CTDP1: variants seen among roughly 807,000 people sequenced by gnomAD.
CTDP1 encodes the protein RNA polymerase II subunit A C-terminal domain phosphatase.
In CTDP1, 47 loss-of-function variants were observed where a neutral mutation model predicts 91.8. The observed-to-expected ratio is 0.51, with a 90% CI of 0.41 to 0.65. The LOEUF (loss-of-function observed/expected upper bound fraction) is 0.65, where lower values mean the gene tolerates loss of function less well. Among genes scored for constraint, CTDP1 ranks in the 30% least tolerant of loss-of-function variants. The pLI is 0.00. For missense variants in CTDP1, 1,272 were observed against 1,373.7 expected, an observed-to-expected ratio of 0.93 and a Z score of 1.17; for synonymous variants, 656 against 598.5, an observed-to-expected ratio of 1.10 and a Z score of -1.40.
At chr18:79,745,250 G>A (rs1317954941) in intron 12 of CTDP1, among the ~76,000 whole-genome samples, 1 of 136,704 alleles carries the variant, frequency 7.3e-6, no homozygotes, top group South Asian at 2.3e-4. Context: ...CCTCCCATGC[G>A]CGTTCTGTCC....
intron 12 of CTDP1, among the ~76,000 whole-genome samples, chr18:79,747,783 C>T (rs1291468935): frequency 1.3e-5 from 2 of 152,162 alleles, no homozygotes; most frequent in Non-Finnish European, 2.9e-5. Flanking sequence ...CTGGTCTTCC[C>T]TTTTGTTCCC....
chr18:79,704,930 G>A lies in CTDP1; in HGVS notation c.772+13G>A, dbSNP rs754601801. On this transcript the variant is annotated intron_variant, in intron 5 of 12. Coordinates refer to ENST00000613122, the MANE Select transcript of CTDP1 (RefSeq NM_004715.5). ...CACACCATCGCAGGTCAGTCAAGCCGCAGCCGAAGAGGCCGTGTGAACAGT... is the reference window on the plus strand; with the variant it reads ...CACACCATCGCAGGTCAGTCAAGCCACAGCCGAAGAGGCCGTGTGAACAGT... 9.9e-6 allele frequency: 16 copies of A among 1,612,600 alleles called. No individual in the cohort carries two copies. Among genetic ancestry groups the A allele is most frequent in the Admixed American group, 3.3e-5 (2 of 60,010 alleles).
In CTDP1 at chr18:79,728,244, C is replaced by T. The variant is rs1162818467; in HGVS notation, c.2418-663C>T. ...CCTCCTGAGTAGCTGGGATTACAGG[C>T]GTGCACCACCACACCGGGCTAATTT... On this transcript the variant is annotated intron_variant, in intron 10 of 12. Transcript: ENST00000613122. 2.6e-5 allele frequency among the ~76,000 whole-genome samples: 4 copies of T among 152,006 alleles called. 1 individual carries two copies. Among genetic ancestry groups the T allele is most frequent in the African/African-American group, 9.7e-5 (4 of 41,376 alleles).
At chr18:79,712,414 C>T (rs550007014) in intron 6 of CTDP1, among the ~76,000 whole-genome samples, 2 of 152,210 alleles carry the variant, frequency 1.3e-5, no homozygotes, top group African/African-American at 4.8e-5. Flanking sequence ...TCTGAGTAGC[C>T]GGGACTACGG....
intron 10 of CTDP1, among the ~76,000 whole-genome samples, chr18:79,724,471 CTGTT>C (rs2086406271): frequency 1.3e-5 from 2 of 152,172 alleles, no homozygotes; most frequent in Non-Finnish European, 1.5e-5. Flanking sequence ...GTGGCCAGTG[CTGTT>C]TATTGCAGCC....
At chr18:79,727,765 T>C (rs1179831484) in intron 10 of CTDP1, among the ~76,000 whole-genome samples, 1 of 152,176 alleles carries the variant, frequency 6.6e-6, no homozygotes, top group African/African-American at 2.4e-5. Context: ...CGAGTTGGTA[T>C]CTGGGACGCA....
chr18:79,715,520 C>T lies in CTDP1; in HGVS notation c.2060C>T (p.Ala687Val), dbSNP rs893733140. Residue 687 changes from alanine (A) to valine (V), a missense_variant, in exon 8 of 13, where the codon GCG becomes GTG. Transcript: ENST00000613122. Reference sequence around the variant, plus strand: ...GACAGGGCCACGCACCTGATCGCCGCGCGAGCTGGTGAGTGCTGCCTCCCT... The same window carrying T: ...GACAGGGCCACGCACCTGATCGCCGTGCGAGCTGGTGAGTGCTGCCTCCCT... ...APDRATHLIAARAGTEKVLQA... is the reference protein window; with the variant it reads ...APDRATHLIAVRAGTEKVLQA... The T allele has an allele frequency of 1.1e-5, 17 of 1,552,156 alleles. No homozygotes were observed. Among genetic ancestry groups the T allele is most frequent in the South Asian group, 5.9e-5 (5 of 84,736 alleles).
chr18:79,742,917 C>T (rs534873561), intron 12 of CTDP1, among the ~76,000 whole-genome samples: 1 of 152,230 alleles, frequency 6.6e-6, no homozygotes, highest in African/African-American at 2.4e-5. Flanking sequence ...GATCATGCCA[C>T]TGCACTCCCG....
chr18:79,712,586 G>C (rs937164839), intron 6 of CTDP1, among the ~76,000 whole-genome samples: 1 of 152,202 alleles, frequency 6.6e-6, no homozygotes, highest in Non-Finnish European at 1.5e-5. Flanking sequence ...GCCTAGCCTG[G>C]TCTGTTTACA....
chr18:79,712,338 G>A (rs2086101848), intron 6 of CTDP1, among the ~76,000 whole-genome samples: 3 of 152,218 alleles, frequency 2.0e-5, no homozygotes, highest in Admixed American at 1.3e-4. Flanking sequence ...CTTAAGTGCA[G>A]TAGTGTGGTC....
At chr18:79,715,756 C>T (rs548860221) in intron 8 of CTDP1, among the ~76,000 whole-genome samples, 27 of 152,320 alleles carry the variant, frequency 1.8e-4, no homozygotes, top group African/African-American at 4.3e-4. Context: ...GGGAGTTACT[C>T]GTGTGTAGAA....
rs1227021231 is a variant in CTDP1, at chr18:79,679,896, TCTGAGCGCAGCGCAGG to T, written c.-50_-35del. On this transcript the variant is annotated 5_prime_UTR_variant, in exon 1 of 13. Coordinates refer to ENST00000613122, the MANE Select transcript of CTDP1 (RefSeq NM_004715.5). ...TGTGTCGCCGCGGTAGGCGCTGCGC[TCTGAGCGCAGCGCAGG>T]CCCCGTACCGACCGCCCGCCCGCCC... 4.9e-5 allele frequency: 65 copies of T among 1,318,344 alleles called. 1 individual carries two copies. In the South Asian group the frequency reaches 1.0e-3, roughly 21 times the overall value. 81.7% of individuals were successfully genotyped at this position (1,318,344 alleles called of 1,614,324 possible). A position where few individuals can be genotyped will look rare whatever the true frequency, so the allele number is the denominator to read the frequency against.
In CTDP1 at chr18:79,705,031, A is replaced by G. The variant is rs113399282; in HGVS notation, c.772+114A>G. On this transcript the variant is annotated intron_variant, in intron 5 of 12. Coordinates refer to ENST00000613122, the MANE Select transcript of CTDP1 (RefSeq NM_004715.5). The stretch of plus-strand genomic sequence containing the variant: ...AGAAGCTCTCCTGCAACTCAGTTGT[A>G]GTCTTAGGGTTGGCCGTTGTGCAGG... 4,397 of 1,513,252 alleles carry G rather than the reference A, an allele frequency of 2.9e-3. 95 individuals carry two copies. In the African/African-American group the frequency reaches 0.05, roughly 17 times the overall value. 93.7% of individuals were successfully genotyped at this position (1,513,252 alleles called of 1,614,324 possible). A position where few individuals can be genotyped will look rare whatever the true frequency, so the allele number is the denominator to read the frequency against.
At chr18:79,684,657 ATTG>A (rs2085447813) in intron 1 of CTDP1, among the ~76,000 whole-genome samples, 1 of 151,768 alleles carries the variant, frequency 6.6e-6, no homozygotes, top group South Asian at 2.1e-4. Flanking sequence ...CGTTGCCTGC[ATTG>A]TTGTTACCAG....
Position 79,704,847 on chromosome 18 carries a change from G to A in CTDP1, c.702G>A (p.Glu234=). 1 of 1,614,040 alleles carries A rather than the reference G, an allele frequency of 6.2e-7. No individual in the cohort carries two copies. Among genetic ancestry groups the A allele is most frequent in the Admixed American group, 1.7e-5 (1 of 60,032 alleles). ...RLRPHCKDFL[E]KIAKLYELHV... is the part of the protein sequence containing the mutation. ...GTCCACACTGCAAGGACTTCCTGGA[G>A]AAGATCGCCAAGCTGTACGAGCTGC... The change falls in exon 5 of 13, where the codon GAG becomes GAA. Residue 234 remains glutamate, a synonymous_variant. Coordinates refer to ENST00000613122, the MANE Select transcript of CTDP1 (RefSeq NM_004715.5).
intron 4 of CTDP1, among the ~76,000 whole-genome samples, chr18:79,702,158 CT>C (rs2085872865): frequency 6.6e-6 from 1 of 152,132 alleles, no homozygotes; most frequent in African/African-American, 2.4e-5. Flanking sequence ...ACAGAGAAAC[CT>C]TTTGTGAAAG....
chr18:79,713,123 C>T lies in CTDP1; in HGVS notation c.1015C>T (p.Gln339Ter), dbSNP rs759939476. The change falls in exon 7 of 13, where the codon CAG (glutamine) becomes TAG (stop). Residue 339 changes from glutamine to a stop codon, truncating the protein, a stop_gained. Coordinates refer to ENST00000613122, the MANE Select transcript of CTDP1 (RefSeq NM_004715.5). LOFTEE classifies it high-confidence loss of function. This position sits in a 1 kb window ranked among gnomAD's most constrained non-coding sequence, Gnocchi z 4.7. ...MNAPPGSRES[Q>*]TRKKVNHSRG... is the part of the protein sequence containing the mutation. ...TGCGCCCCCTGGGTCCCGAGAATCT[C>T]AGACGAGAAAGAAAGGTGGGTAACC... 5 of 1,614,086 alleles carry T rather than the reference C, an allele frequency of 3.1e-6. No homozygotes were observed.
intron 12 of CTDP1, among the ~76,000 whole-genome samples, chr18:79,744,637 CGGAT>C (rs2086842684): frequency 6.6e-6 from 1 of 152,204 alleles, no homozygotes; most frequent in African/African-American, 2.4e-5. Flanking sequence ...ATAATGATAA[CGGAT>C]GGAATTACGA....
At chr18:79,727,776 C>T (rs963189088) in intron 10 of CTDP1, among the ~76,000 whole-genome samples, 3 of 152,140 alleles carry the variant, frequency 2.0e-5, no homozygotes, top group Non-Finnish European at 4.4e-5. Context: ...CTGGGACGCA[C>T]GCTTAGTGCC....
Sources: gnomAD v4.1 joint callset for allele counts (sites outside exome capture counted in the v4.1 genomes callset) on GRCh38, gnomAD v4.1.1 for gene constraint, Gnocchi (gnomAD v3.1) non-coding constraint, MANE v1.5 for transcripts, NCBI Gene and HGNC (gene_info 2026-07-23, HGNC 2026-07-21) for gene names.